The following XPR1 variants were observed in gnomAD, a reference collection of about 807,000 sequenced individuals.
The protein encoded by XPR1 is solute carrier family 53 member 1.
Under a neutral mutation model 87.5 loss-of-function variants are expected in XPR1, and 28 were observed. The observed-to-expected ratio is 0.32, with a 90% CI of 0.24 to 0.44. The LOEUF (loss-of-function observed/expected upper bound fraction) is 0.44, where lower values mean the gene tolerates loss of function less well. XPR1 is among the 20% of genes least tolerant of loss of function. The probability of loss-of-function intolerance (pLI) is 1.00; values close to 1 mark genes in which losing one functional copy is unlikely to be tolerated. For synonymous variants in XPR1, 300 were observed against 306.1 expected (o/e 0.98, Z 0.21); for missense variants, 559 against 862.3 (o/e 0.65, Z 4.41).
intron 2 of XPR1, among the ~76,000 whole-genome samples, chr1:180,688,209 T>C (rs976298764): frequency 4.6e-5 from 7 of 151,150 alleles, no homozygotes; most frequent in Non-Finnish European, 8.9e-5. Context: ...CCTGCCACCA[T>C]GCCCGACTAA....
At chr1:180,726,347 T>C (rs941737902) in intron 2 of XPR1, among the ~76,000 whole-genome samples, 5 of 152,124 alleles carry the variant, frequency 3.3e-5, no homozygotes, top group African/African-American at 1.2e-4. Context: ...TGTGGAAGCT[T>C]TGTTCTTTCT....
intron 1 of XPR1, among the ~76,000 whole-genome samples, chr1:180,674,692 C>G (rs1368233369): frequency 2.0e-5 from 3 of 152,126 alleles, no homozygotes; most frequent in Non-Finnish European, 4.4e-5. Flanking sequence ...CCATACCTGG[C>G]TAAGAGTTAG....
intron 9 of XPR1, among the ~76,000 whole-genome samples, chr1:180,826,944 C>T (rs944587342): frequency 1.3e-5 from 2 of 151,482 alleles, no homozygotes; most frequent in Non-Finnish European, 2.9e-5. Flanking sequence ...ACCTGAAGTC[C>T]GGAGTTCAAG....
intron 11 of XPR1, among the ~76,000 whole-genome samples, chr1:180,838,576 C>A (rs1345698059): frequency 6.6e-6 from 1 of 152,128 alleles, no homozygotes; most frequent in Non-Finnish European, 1.5e-5. Context: ...TACTGACATA[C>A]TTCTTGAAAG....
intron 2 of XPR1, among the ~76,000 whole-genome samples, chr1:180,703,271 C>A (rs532945674): frequency 1.0e-3 from 158 of 152,170 alleles, no homozygotes; most frequent in African/African-American, 2.8e-3. Flanking sequence ...ATTCCCAGGT[C>A]ACTAGTTGGC....
intron 1 of XPR1, among the ~76,000 whole-genome samples, chr1:180,662,172 A>T (rs1655801903): frequency 6.6e-6 from 1 of 152,202 alleles, no homozygotes; most frequent in South Asian, 2.1e-4. Context: ...TAAGTTTTGT[A>T]TGTTGAGATG....
intron 2 of XPR1, among the ~76,000 whole-genome samples, chr1:180,704,019 T>A (rs1657455983): frequency 6.6e-6 from 1 of 151,938 alleles, no homozygotes; most frequent in South Asian, 2.1e-4. Context: ...TTTACAATTT[T>A]ATTATTGTTG....
At chr1:180,859,404 G>A (rs1652145345) in intron 11 of XPR1, among the ~76,000 whole-genome samples, 1 of 152,124 alleles carries the variant, frequency 6.6e-6, no homozygotes, top group Non-Finnish European at 1.5e-5. Context: ...GCTTAGAGTA[G>A]AATAGCAATG....
chr1:180,682,444 G>C (rs1235456019), intron 2 of XPR1, 33 bp downstream of exon 2: 1 of 1,570,552 alleles, frequency 6.4e-7, no homozygotes, highest in Non-Finnish European at 8.7e-7. Flanking sequence ...TTTAGTCACA[G>C]AAAACCTCTT....
chr1:180,789,441 T>C (rs1002551795), intron 3 of XPR1, among the ~76,000 whole-genome samples: 1 of 152,174 alleles, frequency 6.6e-6, no homozygotes, highest in Admixed American at 6.5e-5. Context: ...TATGACCATG[T>C]CTCCTAGCCT....
chr1:180,699,138 A>C (rs1657266187), intron 2 of XPR1, among the ~76,000 whole-genome samples: 1 of 151,656 alleles, frequency 6.6e-6, no homozygotes. Context: ...GGATTCCTAG[A>C]ATTAGAATAT....
At chr1:180,834,110 C>G (rs1043222582) in intron 9 of XPR1, among the ~76,000 whole-genome samples, 3 of 150,678 alleles carry the variant, frequency 2.0e-5, no homozygotes, top group Non-Finnish European at 4.4e-5. Flanking sequence ...TGAGATGGAG[C>G]CTTGCTCTGT....
chr1:180,690,817 C>T (rs748605659), intron 2 of XPR1, among the ~76,000 whole-genome samples: 4 of 150,898 alleles, frequency 2.7e-5, no homozygotes, highest in Non-Finnish European at 5.9e-5. Context: ...CTTGACACAT[C>T]ATTGAGTAGG....
chr1:180,703,324 T>C (rs1657424985), intron 2 of XPR1, among the ~76,000 whole-genome samples: 1 of 152,060 alleles, frequency 6.6e-6, no homozygotes, highest in South Asian at 2.1e-4. Context: ...GGAGTGGGCT[T>C]GTCTTCAGTT....
rs1171207436 is a variant in XPR1, at chr1:180,888,333, A to G, written c.*4267A>G. The G allele has an allele frequency of 6.6e-6, 1 of 151,728 alleles. No homozygotes were observed. The highest frequency in any genetic ancestry group is 1.5e-5 in the Non-Finnish European group (1 of 67,966). 9.4% of individuals were successfully genotyped at this position (151,728 alleles called of 1,614,324 possible). A position where few individuals can be genotyped will look rare whatever the true frequency, so the allele number is the denominator to read the frequency against. Reference sequence around the variant, plus strand: ...AAATCTGGTAAGCAGATTTCAGGTCATTATTGTTTTCTTTTAATGGTTTAC... The same window carrying G: ...AAATCTGGTAAGCAGATTTCAGGTCGTTATTGTTTTCTTTTAATGGTTTAC... On this transcript the variant is annotated 3_prime_UTR_variant, in exon 15 of 15. Transcript: ENST00000367590.
At chr1:180,845,764 A>AGG (rs58188056) in intron 11 of XPR1, among the ~76,000 whole-genome samples, 1 of 152,250 alleles carries the variant, frequency 6.6e-6, no homozygotes, top group Non-Finnish European at 1.5e-5. Context: ...TCCAAAGCTG[A>AGG]CCTGAGCCTG....
At chr1:180,860,123 C>G (rs888734082) in intron 11 of XPR1, among the ~76,000 whole-genome samples, 1 of 151,912 alleles carries the variant, frequency 6.6e-6, no homozygotes, top group African/African-American at 2.4e-5. Flanking sequence ...CCTGACATCA[C>G]TAGTCATCAG....
At chr1:180,685,935 C>A (rs893706423) in intron 2 of XPR1, among the ~76,000 whole-genome samples, 7 of 152,084 alleles carry the variant, frequency 4.6e-5, no homozygotes, top group Non-Finnish European at 1.0e-4. Context: ...TTTCAAAAAA[C>A]CAGCTCCTGG....
chr1:180,830,530 A>C (rs1651020685), intron 9 of XPR1, among the ~76,000 whole-genome samples: 1 of 152,222 alleles, frequency 6.6e-6, no homozygotes, highest in Non-Finnish European at 1.5e-5. Flanking sequence ...CAGAAGACAG[A>C]TCCAGCCAAG....
Sources: gnomAD v4.1 joint callset for allele counts (sites outside exome capture counted in the v4.1 genomes callset) on GRCh38, gnomAD v4.1.1 for gene constraint, MANE v1.5 for transcripts, NCBI Gene and HGNC (gene_info 2026-07-23, HGNC 2026-07-21) for gene names.